Variants in DHX35 observed in about 807,000 individuals in gnomAD.
DHX35 encodes the protein DEAH-box helicase 35.
A neutral mutation model predicts 99.6 loss-of-function variants in DHX35; 84 were observed. That is an observed-to-expected ratio of 0.84 (90% confidence interval 0.71 to 1.01). The LOEUF (loss-of-function observed/expected upper bound fraction) is 1.01, where lower values mean the gene tolerates loss of function less well. Ranked by LOEUF, DHX35 falls within the 50% of genes least tolerant of loss-of-function variation. The pLI is 0.00. For missense variants in DHX35, 852 were observed against 888.5 expected (o/e 0.96, Z 0.52); for synonymous variants, 331 against 316.2 (o/e 1.05, Z -0.50).
intron 1 of DHX35, among the ~76,000 whole-genome samples, chr20:38,968,223 G>C (rs1028364705): frequency 6.6e-6 from 1 of 152,106 alleles, no homozygotes; most frequent in African/African-American, 2.4e-5. Flanking sequence ...CGTGAACCCT[G>C]GCACTGCCGG....
intron 6 of DHX35, 66 bp downstream of exon 6, chr20:38,991,581 G>A: frequency 2.1e-6 from 3 of 1,436,712 alleles, no homozygotes; most frequent in South Asian, 2.4e-5. Flanking sequence ...GGAGAAGCAG[G>A]TGTGTTAGTA....
chr20:39,034,631 A>G (rs1377039458), intron 21 of DHX35, among the ~76,000 whole-genome samples: 9 of 143,880 alleles, frequency 6.3e-5, no homozygotes, highest in Non-Finnish European at 1.2e-4. Flanking sequence ...TCTGCCGCCC[A>G]GGCTGGAGTG....
At chr20:39,034,422 AG>A (rs375750048) in intron 21 of DHX35, 105 bp downstream of exon 21, 15 of 877,098 alleles carry the variant, frequency 1.7e-5, no homozygotes, top group African/African-American at 1.6e-4. Context: ...TGTTCCCCCT[AG>A]GGGTGCATAG....
chr20:39,025,115 A>T, intron 17 of DHX35, 115 bp from the exon 18 acceptor site: 1 of 1,258,918 alleles, frequency 7.9e-7, no homozygotes, highest in Non-Finnish European at 1.1e-6. Flanking sequence ...TCCCATCTTT[A>T]GATCTTATGC....
intron 5 of DHX35, 126 bp downstream of exon 5, chr20:38,989,043 T>C (rs1344554452): frequency 4.7e-5 from 48 of 1,025,724 alleles, no homozygotes; most frequent in Non-Finnish European, 9.5e-6. Flanking sequence ...AAGAAAAGTA[T>C]CCTGACATTC....
chr20:39,006,528 C>G (rs1477360858), intron 12 of DHX35, among the ~76,000 whole-genome samples, 172 bp downstream of exon 12: 1 of 152,158 alleles, frequency 6.6e-6, no homozygotes, highest in Non-Finnish European at 1.5e-5. Flanking sequence ...TATGGTGTTT[C>G]TTTGTTACTA....
intron 10 of DHX35, 99 bp downstream of exon 10, chr20:39,002,967 T>C (rs1352850930): frequency 1.6e-5 from 17 of 1,045,104 alleles, no homozygotes; most frequent in Non-Finnish European, 2.4e-5. Flanking sequence ...TTTCATGTTT[T>C]GTTGTATTTT....
intron 1 of DHX35, among the ~76,000 whole-genome samples, chr20:38,968,652 A>G (rs2085945610): frequency 6.6e-6 from 1 of 152,060 alleles, no homozygotes; most frequent in Non-Finnish European, 1.5e-5. Context: ...GATTCAAGCA[A>G]TTCTCCTGCC....
chr20:39,028,297 G>C, intron 18 of DHX35, 121 bp from the exon 19 acceptor site: 1 of 915,548 alleles, frequency 1.1e-6, no homozygotes, highest in Non-Finnish European at 1.8e-6. Context: ...TTTCAGGAGA[G>C]GGTTTCCAGG....
intron 2 of DHX35, 115 bp from the exon 3 acceptor site, chr20:38,972,444 C>G: frequency 7.5e-6 from 5 of 667,976 alleles, no homozygotes; most frequent in Non-Finnish European, 1.3e-5. Flanking sequence ...TTTGATAGTT[C>G]TACTTAAAAT....
At chr20:39,028,559 C>A in intron 19 of DHX35, 60 bp downstream of exon 19, 2 of 1,546,456 alleles carry the variant, frequency 1.3e-6, no homozygotes, top group Non-Finnish European at 1.8e-6. Flanking sequence ...TGACCCAAAC[C>A]CCACAGAAAG....
At chr20:39,004,695 G>C (rs66681575) in intron 11 of DHX35, among the ~76,000 whole-genome samples, 1 of 152,050 alleles carries the variant, frequency 6.6e-6, no homozygotes, top group East Asian at 1.9e-4. Flanking sequence ...GTTTGAAGGA[G>C]CTGGCAGGCA....
chr20:38,976,578 A>G (rs1375584688), intron 3 of DHX35, among the ~76,000 whole-genome samples: 1 of 152,168 alleles, frequency 6.6e-6, no homozygotes, highest in Non-Finnish European at 1.5e-5. Flanking sequence ...CACCTCAAAC[A>G]TTTATCATTT....
chr20:38,963,153 C>G (rs940355272), intron 1 of DHX35, among the ~76,000 whole-genome samples: 3 of 152,166 alleles, frequency 2.0e-5, no homozygotes, highest in African/African-American at 4.8e-5. Context: ...GATATTTACT[C>G]ATTAATCAGG....
At chr20:39,018,091 G>T (rs992997442) in intron 14 of DHX35, among the ~76,000 whole-genome samples, 2 of 152,138 alleles carry the variant, frequency 1.3e-5, no homozygotes, top group South Asian at 4.1e-4. Context: ...ATAACAGTAT[G>T]GGGGAGACTG....
At chr20:39,003,057 C>T (rs1285511185) in intron 10 of DHX35, among the ~76,000 whole-genome samples, 189 bp downstream of exon 10, 4 of 152,174 alleles carry the variant, frequency 2.6e-5, no homozygotes, top group Non-Finnish European at 4.4e-5. Flanking sequence ...TTAGCCCCTG[C>T]CTGTTCTGTC....
At chr20:38,970,967 T>C (rs79166949) in intron 2 of DHX35, among the ~76,000 whole-genome samples, 1,714 of 152,194 alleles carry the variant, frequency 0.011, 11 homozygotes, top group Non-Finnish European at 0.019. Context: ...TCTTATAAGA[T>C]GTTGAAGATG....
chr20:38,964,461 G>A (rs910230088), intron 1 of DHX35, among the ~76,000 whole-genome samples: 1 of 151,330 alleles, frequency 6.6e-6, no homozygotes, highest in African/African-American at 2.4e-5. Flanking sequence ...GATGGAGTCT[G>A]GCTCAGCCGC....
intron 7 of DHX35, 65 bp downstream of exon 7, chr20:38,992,490 T>G (rs988870670): frequency 4.1e-6 from 6 of 1,474,180 alleles, no homozygotes; most frequent in Non-Finnish European, 5.7e-6. Context: ...CAAAAGCAAC[T>G]GTAGCAACTT....
Sources: allele counts gnomAD v4.1 joint callset (sites outside exome capture counted in the v4.1 genomes callset), GRCh38; gene constraint gnomAD v4.1.1; transcripts MANE v1.5; gene names NCBI Gene and HGNC (gene_info 2026-07-23, HGNC 2026-07-21).